CDH13: variants seen among roughly 807,000 people sequenced by gnomAD.
CDH13 encodes cadherin-13.
In CDH13, 24 loss-of-function variants were observed where a neutral mutation model predicts 63.8. That is an observed-to-expected ratio of 0.38 (90% confidence interval 0.27 to 0.53). CDH13 has a LOEUF of 0.53. CDH13 is among the 20% of genes least tolerant of loss of function. CDH13 has a pLI of 0.85. For missense variants in CDH13, 1,049 were observed against 903.1 expected (o/e 1.16, Z -2.07); for synonymous variants, 503 against 355.3 (o/e 1.42, Z -4.67).
At chr16:83,680,320 G>A (rs568818667) in intron 10 of CDH13, among the ~76,000 whole-genome samples, 1 of 152,308 alleles carries the variant, frequency 6.6e-6, no homozygotes, top group Non-Finnish European at 1.5e-5. Context: ...CTTGGCTAGT[G>A]ATCAACCGGG....
At chr16:83,485,047 A>G (rs984131783) in intron 6 of CDH13, among the ~76,000 whole-genome samples, 1 of 152,160 alleles carries the variant, frequency 6.6e-6, no homozygotes, top group Non-Finnish European at 1.5e-5. Flanking sequence ...TTTACTAATT[A>G]ATATATCTTG....
intron 6 of CDH13, among the ~76,000 whole-genome samples, chr16:83,368,846 T>C (rs2091303060): frequency 7.0e-6 from 1 of 143,498 alleles, no homozygotes; most frequent in African/African-American, 2.5e-5. Flanking sequence ...AATACCATTA[T>C]TTCATTCTTT....
At chr16:82,763,566 A>G (rs1041072236) in intron 1 of CDH13, among the ~76,000 whole-genome samples, 3 of 152,254 alleles carry the variant, frequency 2.0e-5, no homozygotes, top group African/African-American at 2.4e-5. Context: ...TAAAAATGCA[A>G]TGTCTGCATA....
chr16:83,617,122 A>G (rs1909349966), intron 8 of CDH13, among the ~76,000 whole-genome samples: 1 of 151,994 alleles, frequency 6.6e-6, no homozygotes, highest in Admixed American at 6.6e-5. Context: ...CCCTCTCCCT[A>G]ATCCGCTTGG....
At chr16:83,747,381 T>C (rs1912684545) in intron 10 of CDH13, among the ~76,000 whole-genome samples, 1 of 152,160 alleles carries the variant, frequency 6.6e-6, no homozygotes, top group South Asian at 2.1e-4. Context: ...CCCATTTTGC[T>C]TGGTTTCACT....
chr16:83,715,213 A>AT (rs2150928482), intron 10 of CDH13, among the ~76,000 whole-genome samples: 1 of 152,318 alleles, frequency 6.6e-6, no homozygotes, highest in African/African-American at 2.4e-5. Flanking sequence ...CACTTGGGCT[A>AT]TTCCCGTACA....
intron 7 of CDH13, among the ~76,000 whole-genome samples, chr16:83,558,126 CCTT>C (rs1424282179): frequency 6.6e-6 from 1 of 152,182 alleles, no homozygotes; most frequent in African/African-American, 2.4e-5. Context: ...TGACAAGAAT[CCTT>C]CTGGCTGGAC....
rs766834248 is a variant in CDH13 at position 83,783,412 on chromosome 16, G to T, written c.2074G>T (p.Ala692Ser). The T allele has an allele frequency of 6.2e-7, 1 of 1,613,998 alleles. No individual in the cohort carries two copies. The highest frequency in any genetic ancestry group is 1.7e-5 in the Admixed American group (1 of 60,026). Reference protein sequence around the residue: ...CRNSKVDCNAAGALRFSLPSV... With the variant: ...CRNSKVDCNASGALRFSLPSV... Reference sequence around the variant, plus strand: ...GAATTCCAAAGTGGACTGCAACGCGGCAGGGGCCCTGCGCTTCAGCCTGCC... The same window carrying T: ...GAATTCCAAAGTGGACTGCAACGCGTCAGGGGCCCTGCGCTTCAGCCTGCC... Residue 692 changes from alanine to serine, a missense_variant, in exon 13 of 14, where the codon GCA becomes TCA. Physicochemically the swap from Ala to Ser is moderately conservative, Grantham distance 99. Transcript: ENST00000567109.
At chr16:82,788,961 C>G (rs1302810996) in intron 1 of CDH13, among the ~76,000 whole-genome samples, 1 of 152,198 alleles carries the variant, frequency 6.6e-6, no homozygotes, top group Non-Finnish European at 1.5e-5. Context: ...AGCTTCCGGG[C>G]TGAATCCCCT....
chr16:83,269,535 G>C (rs1362223526), intron 5 of CDH13, among the ~76,000 whole-genome samples: 1 of 152,140 alleles, frequency 6.6e-6, no homozygotes, highest in Non-Finnish European at 1.5e-5. Context: ...GGAAGGTACA[G>C]AGTGCCATGG....
At chr16:83,144,023 G>A (rs910120914) in intron 4 of CDH13, among the ~76,000 whole-genome samples, 1 of 152,020 alleles carries the variant, frequency 6.6e-6, no homozygotes, top group Non-Finnish European at 1.5e-5. Context: ...GAAAACCCCT[G>A]GGCCCTGTTT....
At chr16:83,305,242 G>A (rs564440685) in intron 5 of CDH13, among the ~76,000 whole-genome samples, 2 of 152,298 alleles carry the variant, frequency 1.3e-5, no homozygotes, top group Admixed American at 6.5e-5. Flanking sequence ...TCCTGCTGTT[G>A]ATGACTTCAC....
At chr16:83,040,536 A>T (rs1482544373) in intron 3 of CDH13, among the ~76,000 whole-genome samples, 2 of 152,170 alleles carry the variant, frequency 1.3e-5, no homozygotes. Flanking sequence ...GCCAGGAAGC[A>T]TCCAACATGG....
chr16:83,478,854 GAA>G (rs1169717784), intron 6 of CDH13, among the ~76,000 whole-genome samples: 2 of 138,026 alleles, frequency 1.4e-5, no homozygotes, highest in Non-Finnish European at 3.2e-5. Context: ...AAAAAAAAAA[GAA>G]AAAAAGAAAA....
At chr16:83,182,058 G>T (rs570188880) in intron 4 of CDH13, among the ~76,000 whole-genome samples, 1 of 152,152 alleles carries the variant, frequency 6.6e-6, no homozygotes, top group African/African-American at 2.4e-5. Flanking sequence ...GGAAAAGTGT[G>T]CATTGTCTGG....
intron 3 of CDH13, among the ~76,000 whole-genome samples, chr16:83,086,290 C>T (rs529092010): frequency 2.6e-5 from 4 of 152,296 alleles, no homozygotes; most frequent in South Asian, 4.1e-4. Context: ...CAATGTAGAG[C>T]GTTAGTAGTT....
chr16:83,023,363 C>A (rs924002696), intron 2 of CDH13, among the ~76,000 whole-genome samples: 2 of 151,760 alleles, frequency 1.3e-5, no homozygotes, highest in Non-Finnish European at 1.5e-5. Context: ...TGATGTTATG[C>A]AATTTATTCC....
At chr16:83,377,110 A>G (rs1438513721) in intron 6 of CDH13, among the ~76,000 whole-genome samples, 1 of 152,152 alleles carries the variant, frequency 6.6e-6, no homozygotes, top group African/African-American at 2.4e-5. Flanking sequence ...GAGATGTACC[A>G]CCCAGCTGAG....
intron 8 of CDH13, among the ~76,000 whole-genome samples, chr16:83,636,456 C>T (rs1911273663): frequency 6.6e-6 from 1 of 152,082 alleles, no homozygotes; most frequent in South Asian, 2.1e-4. Context: ...ACTTTTGGAG[C>T]CCCCAGTATC....
Sources: gnomAD v4.1 joint callset for allele counts (sites outside exome capture counted in the v4.1 genomes callset) on GRCh38, gnomAD v4.1.1 for gene constraint, MANE v1.5 for transcripts, NCBI Gene and HGNC (gene_info 2026-07-23, HGNC 2026-07-21) for gene names.